The following APBA2 variants were observed in gnomAD, a reference collection of about 807,000 sequenced individuals.
The protein encoded by APBA2 is amyloid-beta A4 precursor protein-binding family A member 2.
A neutral mutation model predicts 75.0 loss-of-function variants in APBA2; 30 were observed. That is an observed-to-expected ratio of 0.40 (90% CI 0.30 to 0.54). The LOEUF is 0.54. APBA2 is among the 20% of genes least tolerant of loss of function. The pLI is 0.49. For synonymous variants in APBA2, 444 were observed against 409.6 expected (o/e 1.08, Z -1.01); for missense variants, 801 against 1,016.1 (o/e 0.79, Z 2.88).
chr15:29,029,207 G>A (rs1227632451), intron 3 of APBA2, among the ~76,000 whole-genome samples: 1 of 152,012 alleles, frequency 6.6e-6, no homozygotes, highest in African/African-American at 2.4e-5. Flanking sequence ...AAGGGGTCCA[G>A]TTTCAATTTT....
intron 2 of APBA2, among the ~76,000 whole-genome samples, chr15:28,950,385 T>A (rs4456468): frequency 0.26 from 40,206 of 151,860 alleles, 9,517 homozygotes; most frequent in African/African-American, 0.61. Flanking sequence ...TCCCAGCACT[T>A]TGGGAGGCCG....
intron 2 of APBA2, among the ~76,000 whole-genome samples, chr15:28,960,386 C>T (rs1429705244): frequency 6.6e-6 from 1 of 151,468 alleles, no homozygotes; most frequent in Non-Finnish European, 1.5e-5. Flanking sequence ...TTGCCTGAGC[C>T]TGAGAGGTTG....
At chr15:28,901,299 C>T (rs931897167) in intron 1 of APBA2, among the ~76,000 whole-genome samples, 1 of 152,190 alleles carries the variant, frequency 6.6e-6, no homozygotes, top group African/African-American at 2.4e-5. Context: ...CCCCAGCCCC[C>T]ACCCAGCTCT....
chr15:29,098,407 G>C (rs1465240393), intron 8 of APBA2, 83 bp from the exon 9 acceptor site: 2 of 912,852 alleles, frequency 2.2e-6, no homozygotes, highest in Admixed American at 3.5e-5. Flanking sequence ...TAGGGATGTT[G>C]AGCATTTTGT....
At chr15:29,005,354 G>C (rs557695374) in intron 3 of APBA2, among the ~76,000 whole-genome samples, 1 of 152,104 alleles carries the variant, frequency 6.6e-6, no homozygotes, top group East Asian at 1.9e-4. Flanking sequence ...TCAACCTCCT[G>C]GGCTCAAGCG....
chr15:28,971,136 T>A (rs1373063141), intron 2 of APBA2, among the ~76,000 whole-genome samples: 10 of 152,210 alleles, frequency 6.6e-5, no homozygotes, highest in Admixed American at 6.5e-4. Context: ...ATTCTAGGGC[T>A]TTATAAGAAC....
intron 2 of APBA2, among the ~76,000 whole-genome samples, chr15:28,988,187 A>G (rs2038028150): frequency 6.6e-6 from 1 of 151,508 alleles, no homozygotes; most frequent in Non-Finnish European, 1.5e-5. Flanking sequence ...ATGTATAAGT[A>G]TTTCTATCCC....
chr15:29,018,808 G>C (rs2039805370), intron 3 of APBA2, among the ~76,000 whole-genome samples: 1 of 152,208 alleles, frequency 6.6e-6, no homozygotes, highest in African/African-American at 2.4e-5. Flanking sequence ...AGGCCAGTGA[G>C]CGATACTCTG....
intron 2 of APBA2, among the ~76,000 whole-genome samples, chr15:28,935,414 A>C (rs866931710): frequency 6.6e-6 from 1 of 151,926 alleles, no homozygotes; most frequent in Non-Finnish European, 1.5e-5. Flanking sequence ...TTCTAGGGCC[A>C]GCAGAGCTCA....
chr15:28,956,539 A>T (rs2036176854), intron 2 of APBA2, among the ~76,000 whole-genome samples: 1 of 152,208 alleles, frequency 6.6e-6, no homozygotes, highest in African/African-American at 2.4e-5. Context: ...AAAATTAAAT[A>T]CTATTTTATT....
intron 3 of APBA2, among the ~76,000 whole-genome samples, chr15:29,039,029 T>A (rs1029725302): frequency 1.3e-5 from 2 of 151,404 alleles, no homozygotes; most frequent in African/African-American, 4.9e-5. Context: ...AGGAAGAAGA[T>A]GAAGCGGGGA....
chr15:29,026,651 C>T (rs1478437061), intron 3 of APBA2, among the ~76,000 whole-genome samples: 1 of 152,150 alleles, frequency 6.6e-6, no homozygotes, highest in Non-Finnish European at 1.5e-5. Flanking sequence ...TGGTGGCTCA[C>T]GCCTGTAATC....
chr15:29,040,565 A>G (rs2040983376), intron 3 of APBA2, among the ~76,000 whole-genome samples: 1 of 152,190 alleles, frequency 6.6e-6, no homozygotes, highest in Non-Finnish European at 1.5e-5. Context: ...CTTGAAGCCA[A>G]CTCACAGAGC....
At chr15:29,014,970 T>C (rs1340585876) in intron 3 of APBA2, among the ~76,000 whole-genome samples, 1 of 152,224 alleles carries the variant, frequency 6.6e-6, no homozygotes, top group African/African-American at 2.4e-5. Flanking sequence ...ACTCCATTTC[T>C]GTATTGCCCA....
At chr15:29,036,998 T>A (rs2040784440) in intron 3 of APBA2, among the ~76,000 whole-genome samples, 1 of 151,416 alleles carries the variant, frequency 6.6e-6, no homozygotes, top group South Asian at 2.1e-4. Context: ...CCAGCCTGGA[T>A]AACAGAGAGA....
In APBA2 at chr15:29,093,118, C is replaced by A; in HGVS notation, c.1113C>A (p.Ile371=). 6.2e-7 allele frequency: 1 copy of A among 1,614,266 alleles called. No individual in the cohort carries two copies. The highest frequency in any genetic ancestry group is 8.5e-7 in the Non-Finnish European group (1 of 1,180,044). ...CEPEDLIDGI[I]FAANYLGSTQ... ...CAGAAGACCTCATCGACGGGATCATCTTTGCTGCCAATTACCTGGGGTCCA... is the reference window on the plus strand; with the variant it reads ...CAGAAGACCTCATCGACGGGATCATATTTGCTGCCAATTACCTGGGGTCCA... The change falls in exon 7 of 15, where the codon ATC becomes ATA. Residue 371 remains isoleucine, a synonymous_variant. Transcript: ENST00000683413.
At chr15:28,988,836 C>A (rs114717969) in intron 2 of APBA2, among the ~76,000 whole-genome samples, 1 of 152,256 alleles carries the variant, frequency 6.6e-6, no homozygotes, top group African/African-American at 2.4e-5. Flanking sequence ...GGAGAGAGTA[C>A]AGTAATCTTC....
At chr15:28,986,680 T>C (rs1040173966) in intron 2 of APBA2, among the ~76,000 whole-genome samples, 2 of 152,158 alleles carry the variant, frequency 1.3e-5, no homozygotes, top group Non-Finnish European at 2.9e-5. Context: ...TTGGCCAGGC[T>C]GGTCTTGAAC....
At chr15:29,056,616 C>CCTTCCT (rs1474791778) in intron 4 of APBA2, among the ~76,000 whole-genome samples, 3 of 58,626 alleles carry the variant, frequency 5.1e-5, no homozygotes, top group Admixed American at 1.7e-4. Context: ...CTCCCTCCTT[C>CCTTCCT]TCTCCCTCCC....
Sources: allele counts gnomAD v4.1 joint callset (sites outside exome capture counted in the v4.1 genomes callset), GRCh38; gene constraint gnomAD v4.1.1; transcripts MANE v1.5; gene names NCBI Gene and HGNC (gene_info 2026-07-23, HGNC 2026-07-21).